Variants in NCOA1 observed in about 807,000 individuals in gnomAD.
NCOA1 encodes the protein nuclear receptor coactivator 1, also known as Hin-2 protein.
A neutral mutation model predicts 150.9 loss-of-function variants in NCOA1; 35 were observed. That is an observed-to-expected ratio of 0.23 (90% confidence interval 0.18 to 0.31). The LOEUF is 0.31. Ranked by LOEUF, NCOA1 falls within the 10% of genes least tolerant of loss-of-function variation. NCOA1 has a pLI of 1.00. For missense variants in NCOA1, 1,491 were observed against 1,749.3 expected, an observed-to-expected ratio of 0.85 and a Z score of 2.63; for synonymous variants, 590 against 630.0, an observed-to-expected ratio of 0.94 and a Z score of 0.95.
At chr2:24,650,415 A>G (rs1459184807) in intron 4 of NCOA1, among the ~76,000 whole-genome samples, 1 of 152,204 alleles carries the variant, frequency 6.6e-6, no homozygotes, top group Non-Finnish European at 1.5e-5. Flanking sequence ...GAAAAAGTAG[A>G]TAAGTTGGAC....
chr2:24,768,036 C>T, intron 22 of NCOA1, 185 bp from the exon 23 acceptor site: 1 of 1,605,184 alleles, frequency 6.2e-7, no homozygotes, highest in Non-Finnish European at 8.5e-7. Flanking sequence ...GTGAACTTTC[C>T]AGAACCCTGA....
chr2:24,583,610 A>G (rs780924696), intron 2 of NCOA1, among the ~76,000 whole-genome samples: 3 of 152,188 alleles, frequency 2.0e-5, no homozygotes, highest in African/African-American at 4.8e-5. Context: ...TTATTGCAGC[A>G]TATCACAGTA....
intron 6 of NCOA1, among the ~76,000 whole-genome samples, chr2:24,667,981 G>C (rs1325133562): frequency 6.6e-6 from 1 of 151,852 alleles, no homozygotes; most frequent in Non-Finnish European, 1.5e-5. Context: ...TATATTATTT[G>C]CCTGCCCCCA....
At chr2:24,502,935 T>C (rs1308426865) in intron 1 of NCOA1, among the ~76,000 whole-genome samples, 1 of 152,224 alleles carries the variant, frequency 6.6e-6, no homozygotes, top group Non-Finnish European at 1.5e-5. Context: ...TACAACCTTG[T>C]ACCTTATGAA....
chr2:24,560,393 A>T (rs1472428352), intron 1 of NCOA1, among the ~76,000 whole-genome samples: 2 of 151,270 alleles, frequency 1.3e-5, no homozygotes, highest in Non-Finnish European at 2.9e-5. Context: ...TGTGACCTCC[A>T]CTCTTTGTTA....
chr2:24,536,403 C>A (rs371400869), intron 1 of NCOA1, among the ~76,000 whole-genome samples: 1 of 152,144 alleles, frequency 6.6e-6, no homozygotes, highest in African/African-American at 2.4e-5. Context: ...GAACATGCTC[C>A]TTTAGCTCGG....
intron 15 of NCOA1, among the ~76,000 whole-genome samples, chr2:24,728,101 A>G (rs1250615860): frequency 3.3e-5 from 5 of 152,242 alleles, no homozygotes; most frequent in Non-Finnish European, 7.3e-5. Flanking sequence ...AATGACTGAC[A>G]AAAGAATGAA....
chr2:24,516,409 GTC>G (rs911010021), intron 1 of NCOA1, among the ~76,000 whole-genome samples: 19 of 151,300 alleles, frequency 1.3e-4, no homozygotes, highest in African/African-American at 4.6e-4. Flanking sequence ...AGCCAGGATG[GTC>G]TCGATCTCCT....
At chr2:24,589,352 C>G (rs1667548525) in intron 3 of NCOA1, among the ~76,000 whole-genome samples, 1 of 152,196 alleles carries the variant, frequency 6.6e-6, no homozygotes, top group Admixed American at 6.5e-5. Flanking sequence ...GCCTGGTATT[C>G]TCTCTTCCAG....
chr2:24,756,708 A>G (rs1309809367), intron 20 of NCOA1, among the ~76,000 whole-genome samples: 1 of 152,244 alleles, frequency 6.6e-6, no homozygotes, highest in Admixed American at 6.5e-5. Context: ...AACTTAGGAA[A>G]GACAGAATTA....
chr2:24,605,232 A>G (rs1338952739), intron 3 of NCOA1, among the ~76,000 whole-genome samples: 2 of 152,208 alleles, frequency 1.3e-5, no homozygotes, highest in African/African-American at 2.4e-5. Context: ...AAGTGAACAC[A>G]TGCTTTTGGA....
chr2:24,495,301 C>G (rs911592883), intron 1 of NCOA1, among the ~76,000 whole-genome samples: 1 of 152,114 alleles, frequency 6.6e-6, no homozygotes, highest in African/African-American at 2.4e-5. Context: ...CTTCTTCCCC[C>G]ATAACCCCAT....
intron 3 of NCOA1, among the ~76,000 whole-genome samples, chr2:24,615,332 A>G (rs968431494): frequency 1.3e-5 from 2 of 152,200 alleles, no homozygotes; most frequent in African/African-American, 4.8e-5. Context: ...TGAGAAAGTA[A>G]ATTATCACAG....
chr2:24,732,943 A>G (rs1663094349), intron 17 of NCOA1, among the ~76,000 whole-genome samples: 1 of 152,104 alleles, frequency 6.6e-6, no homozygotes, highest in Admixed American at 6.5e-5. Flanking sequence ...AAAAAAAAGT[A>G]AAAAGGGGGA....
At chr2:24,711,296 T>C in intron 14 of NCOA1, 185 bp downstream of exon 14, 1 of 553,118 alleles carries the variant, frequency 1.8e-6, no homozygotes, top group Non-Finnish European at 2.9e-6. Context: ...GTATTTTAAA[T>C]TATGACCTCT....
intron 20 of NCOA1, 132 bp from the exon 21 acceptor site, chr2:24,757,841 A>G: frequency 2.7e-6 from 2 of 742,002 alleles, no homozygotes; most frequent in Non-Finnish European, 4.3e-6. Context: ...ATTAATTTTT[A>G]TATATTTTAA....
intron 20 of NCOA1, among the ~76,000 whole-genome samples, chr2:24,755,046 A>C (rs1664429410): frequency 6.6e-6 from 1 of 152,214 alleles, no homozygotes; most frequent in Non-Finnish European, 1.5e-5. Context: ...ATTAGCGTAT[A>C]TCACCTGGAG....
chr2:24,604,331 T>C (rs1223913906), intron 3 of NCOA1, among the ~76,000 whole-genome samples: 3 of 152,200 alleles, frequency 2.0e-5, no homozygotes, highest in African/African-American at 7.2e-5. Flanking sequence ...AGAGTTGAGT[T>C]AGCCTGTCCT....
intron 1 of NCOA1, among the ~76,000 whole-genome samples, chr2:24,519,204 A>G (rs1253484046): frequency 6.6e-6 from 1 of 152,220 alleles, no homozygotes; most frequent in East Asian, 1.9e-4. Context: ...TATGTATACA[A>G]TGAAATATTA....
Sources: gnomAD v4.1 joint callset for allele counts (sites outside exome capture counted in the v4.1 genomes callset) on GRCh38, gnomAD v4.1.1 for gene constraint, MANE v1.5 for transcripts, NCBI Gene and HGNC (gene_info 2026-07-23, HGNC 2026-07-21) for gene names.